The following FRY variants were observed in gnomAD, a reference collection of about 807,000 sequenced individuals.
FRY encodes FRY microtubule binding protein, also known as protein furry homolog.
A neutral mutation model predicts 348.4 loss-of-function variants in FRY; 128 were observed. That is an observed-to-expected ratio of 0.37 (90% confidence interval 0.32 to 0.43). The LOEUF is 0.43. Ranked by LOEUF, FRY falls within the 20% of genes least tolerant of loss-of-function variation. The pLI is 1.00. For missense variants in FRY, 2,736 were observed against 3,695.2 expected, an observed-to-expected ratio of 0.74 and a Z score of 6.73; for synonymous variants, 1,370 against 1,374.7, an observed-to-expected ratio of 1.00 and a Z score of 0.08.
At chr13:32,050,957 A>G (rs1460286464) in intron 1 of FRY, among the ~76,000 whole-genome samples, 7 of 152,214 alleles carry the variant, frequency 4.6e-5, no homozygotes, top group African/African-American at 1.7e-4. Flanking sequence ...CCACATACGC[A>G]TTTTAGGAAG....
chr13:32,116,012 G>A lies in FRY; in HGVS notation c.325-1322G>A, dbSNP rs150713316. Reference sequence around the variant, plus strand: ...TTTATATTAAAATATGATTTTAATGGTTTCAAAAATAGTCCACACCAAATT... The same window carrying A: ...TTTATATTAAAATATGATTTTAATGATTTCAAAAATAGTCCACACCAAATT... On this transcript the variant is annotated intron_variant, in intron 3 of 60. Coordinates refer to ENST00000542859, the MANE Select transcript of FRY (RefSeq NM_023037.3). Among the ~76,000 whole-genome samples, 1,205 of 151,890 alleles carry A rather than the reference G, an allele frequency of 7.9e-3. 6 individuals carry two copies. Among genetic ancestry groups the A allele is most frequent in the Admixed American group, 0.015 (232 of 15,252 alleles).
chr13:32,042,643 C>T (rs575340299), intron 1 of FRY, among the ~76,000 whole-genome samples: 7 of 152,280 alleles, frequency 4.6e-5, no homozygotes, highest in African/African-American at 1.7e-4. Context: ...TTCCAAATAT[C>T]TTTGCTTCAC....
intron 1 of FRY, among the ~76,000 whole-genome samples, chr13:32,042,702 A>G (rs1872808741): frequency 6.6e-6 from 1 of 152,204 alleles, no homozygotes; most frequent in African/African-American, 2.4e-5. Flanking sequence ...TTGTAACAAG[A>G]AGATTATTTT....
intron 14 of FRY, among the ~76,000 whole-genome samples, chr13:32,151,350 T>G (rs889718089): frequency 3.3e-5 from 5 of 152,230 alleles, no homozygotes; most frequent in African/African-American, 1.2e-4. Context: ...CTTCTTCCAT[T>G]TCTCGTGATC....
chr13:32,147,152 A>C, intron 11 of FRY, 130 bp from the exon 12 acceptor site: 1 of 667,512 alleles, frequency 1.5e-6, no homozygotes, highest in South Asian at 1.6e-5. Context: ...CAGGTGATGC[A>C]ATGTGTCTCA....
chr13:32,048,650 C>G (rs1459560320), intron 1 of FRY, among the ~76,000 whole-genome samples: 1 of 152,052 alleles, frequency 6.6e-6, no homozygotes, highest in African/African-American at 2.4e-5. Flanking sequence ...GGCACTTTTG[C>G]CAAATTGGAA....
At chr13:32,261,489 A>C (rs1434649751) in intron 51 of FRY, 127 bp from the exon 52 acceptor site, 1 of 868,664 alleles carries the variant, frequency 1.2e-6, no homozygotes, top group South Asian at 1.3e-5. Flanking sequence ...TTTTGATACC[A>C]AAGTCGATGA....
At chr13:32,171,394 C>G (rs1009688165) in intron 18 of FRY, 124 bp downstream of exon 18, 27 of 763,662 alleles carry the variant, frequency 3.5e-5, no homozygotes, top group Admixed American at 7.8e-5. Flanking sequence ...TCACTGCAAC[C>G]TCCACCTCCT....
chr13:32,277,915 G>A (rs184742044), intron 57 of FRY, among the ~76,000 whole-genome samples: 39 of 152,320 alleles, frequency 2.6e-4, no homozygotes, highest in Non-Finnish European at 3.7e-4. Context: ...TCTGCTGAAA[G>A]GTTCCCTTTC....
chr13:32,081,975 A>C (rs190081496), intron 2 of FRY, among the ~76,000 whole-genome samples: 1 of 152,342 alleles, frequency 6.6e-6, no homozygotes, highest in East Asian at 1.9e-4. Context: ...CAAATCACAA[A>C]ATTGTATTCT....
chr13:32,280,226 A>G (rs957013172), intron 58 of FRY, among the ~76,000 whole-genome samples: 2 of 152,218 alleles, frequency 1.3e-5, no homozygotes, highest in Admixed American at 6.5e-5. Context: ...GGCAAATAAT[A>G]ACTAGTTTGC....
chr13:32,042,712 T>G (rs1334673230), intron 1 of FRY, among the ~76,000 whole-genome samples: 1 of 152,222 alleles, frequency 6.6e-6, no homozygotes, highest in Non-Finnish European at 1.5e-5. Context: ...AAGATTATTT[T>G]GATAAAGGTC....
chr13:32,212,058 C>G (rs530349571), intron 34 of FRY, among the ~76,000 whole-genome samples: 39 of 152,330 alleles, frequency 2.6e-4, no homozygotes, highest in Admixed American at 4.6e-4. Context: ...TGTAGGCTTG[C>G]TTTACGAGAG....
chr13:32,124,747 T>C lies in FRY; in HGVS notation c.636-48T>C, dbSNP rs1191988883. ...TAAAACTAAATCAGTGGTTTGCTTT[T>C]TTCCGATGACCAGGGATCCCTAACT... On this transcript the variant is annotated intron_variant, in intron 6 of 60. Transcript: ENST00000542859. 1.9e-6 allele frequency: 3 copies of C among 1,546,158 alleles called. No individual in the cohort carries two copies. The African/African-American group carries it at 4.1e-5, about 21-fold the overall frequency.
intron 31 of FRY, among the ~76,000 whole-genome samples, chr13:32,204,884 A>G (rs922176429): frequency 2.0e-5 from 3 of 152,208 alleles, no homozygotes; most frequent in Non-Finnish European, 2.9e-5. Flanking sequence ...CTCCCATCAA[A>G]CGTTCATAGT....
chr13:32,207,737 T>C (rs1884437482), intron 31 of FRY, among the ~76,000 whole-genome samples: 2 of 152,214 alleles, frequency 1.3e-5, no homozygotes, highest in Admixed American at 1.3e-4. Context: ...ATAATTTTAA[T>C]TTTAGGAAAA....
rs763930509 is a variant in FRY, at chr13:32,228,408, C to A, written c.5207-48C>A. The A allele has an allele frequency of 2.2e-6, 3 of 1,383,050 alleles. No individual in the cohort carries two copies. In the South Asian group the frequency reaches 3.5e-5, roughly 16 times the overall value. The allele number at this position is 1,383,050 out of a possible 1,614,324, so 85.7% of individuals were successfully genotyped here. ...CTGTGGACCTCATTAAGCATGCTGA[C>A]AAGCACACTGCCTAGTACATCCCTC... On this transcript the variant is annotated intron_variant, in intron 39 of 60. Transcript: ENST00000542859.
Position 32,149,800 on chromosome 13 carries a change from G to A in FRY, c.1445G>A (p.Gly482Glu). ...KEIIFDFLCV[G>E]KPAKAFSLNP... is the part of the protein sequence containing the mutation. ...ATCATTTTCGATTTTCTTTGTGTGG[G>A]AAAACCAGCAAAAGCATTCAGTCTC... Residue 482 changes from glycine (G) to glutamate (E), a missense_variant, in exon 14 of 61, where the codon GGA becomes GAA. Transcript: ENST00000542859. 6.2e-7 allele frequency: 1 copy of A among 1,610,950 alleles called. No homozygotes were observed. Among genetic ancestry groups the A allele is most frequent in the Non-Finnish European group, 8.5e-7 (1 of 1,177,126 alleles).
intron 51 of FRY, among the ~76,000 whole-genome samples, chr13:32,255,582 C>T (rs1171999029): frequency 6.6e-6 from 1 of 152,096 alleles, no homozygotes; most frequent in African/African-American, 2.4e-5. Context: ...AGATCCGGTC[C>T]GTAAGCAGTA....
Sources: gnomAD v4.1 joint callset for allele counts (sites outside exome capture counted in the v4.1 genomes callset) on GRCh38, gnomAD v4.1.1 for gene constraint, MANE v1.5 for transcripts, NCBI Gene and HGNC (gene_info 2026-07-23, HGNC 2026-07-21) for gene names.